Variants in PRKAA2 observed in about 807,000 individuals in gnomAD.
PRKAA2 encodes protein kinase AMP-activated catalytic subunit alpha 2.
A neutral mutation model predicts 56.3 loss-of-function variants in PRKAA2; 40 were observed. That is an observed-to-expected ratio of 0.71 (90% CI 0.55 to 0.92). PRKAA2 has a LOEUF of 0.92. Among genes scored for constraint, PRKAA2 ranks in the 40% least tolerant of loss-of-function variants. PRKAA2 has a pLI of 0.00. For missense variants in PRKAA2, 542 were observed against 686.9 expected, an observed-to-expected ratio of 0.79 and a Z score of 2.36; for synonymous variants, 214 against 234.2, an observed-to-expected ratio of 0.91 and a Z score of 0.79.
At chr1:56,671,589 A>T (rs756358768) in intron 1 of PRKAA2, 2 of 152,244 alleles carry the variant, frequency 1.3e-5, no homozygotes, top group Admixed American at 1.3e-4. Context: ...GCTTCATTAA[A>T]TTTTTTGACA....
intron 3 of PRKAA2, among the ~76,000 whole-genome samples, 169 bp downstream of exon 3, chr1:56,691,656 T>C (rs1203860364): frequency 6.6e-6 from 1 of 152,232 alleles, no homozygotes. Flanking sequence ...AGCATTCCTT[T>C]TGAAATACTG....
intron 1 of PRKAA2, among the ~76,000 whole-genome samples, chr1:56,668,319 A>T (rs1644050308): frequency 6.6e-6 from 1 of 151,228 alleles, no homozygotes; most frequent in South Asian, 2.1e-4. Flanking sequence ...ATGTTAGATG[A>T]CGAGTTAGTG....
intron 1 of PRKAA2, among the ~76,000 whole-genome samples, chr1:56,655,948 G>C (rs1413472699): frequency 6.6e-6 from 1 of 152,054 alleles, no homozygotes; most frequent in African/African-American, 2.4e-5. Flanking sequence ...TAAGAGACAG[G>C]GTGAAGATAA....
At chr1:56,657,825 A>G (rs1261108180) in intron 1 of PRKAA2, among the ~76,000 whole-genome samples, 1 of 152,202 alleles carries the variant, frequency 6.6e-6, no homozygotes, top group Non-Finnish European at 1.5e-5. Flanking sequence ...GAAGACATAT[A>G]ACAAAGGGAA....
chr1:56,658,326 G>A (rs1412727303), intron 1 of PRKAA2, among the ~76,000 whole-genome samples: 3 of 152,124 alleles, frequency 2.0e-5, no homozygotes, highest in African/African-American at 7.2e-5. Flanking sequence ...TTGAAGACAG[G>A]AAAATAAAGG....
In PRKAA2 at chr1:56,709,603, T is replaced by C. The variant is rs1451893315; in HGVS notation, c.*1890T>C. On this transcript the variant is annotated 3_prime_UTR_variant, in exon 9 of 9. Coordinates refer to ENST00000371244, the MANE Select transcript of PRKAA2 (RefSeq NM_006252.4). ...TCTCTAAATGGGTCCATACCTCTTTTGGGAAAAAACAGGGCCACCTCATAA... is the reference window on the plus strand; with the variant it reads ...TCTCTAAATGGGTCCATACCTCTTTCGGGAAAAAACAGGGCCACCTCATAA... 6.6e-6 allele frequency: 1 copy of C among 152,066 alleles called. No individual in the cohort carries two copies. The highest frequency in any genetic ancestry group is 6.6e-5 in the Admixed American group (1 of 15,262). The allele number at this position is 152,066 out of a possible 1,614,324, so 9.4% of individuals were successfully genotyped here.
chr1:56,671,520 T>C (rs1644076833), intron 1 of PRKAA2: 1 of 152,240 alleles, frequency 6.6e-6, no homozygotes. Context: ...CAAGTTATAT[T>C]GCTTGAACTT....
intron 2 of PRKAA2, among the ~76,000 whole-genome samples, chr1:56,676,930 G>A (rs1429996733): frequency 6.6e-6 from 1 of 152,104 alleles, no homozygotes; most frequent in East Asian, 1.9e-4. Context: ...ATCTTCACTT[G>A]AAGTTCACTT....
intron 3 of PRKAA2, among the ~76,000 whole-genome samples, 193 bp downstream of exon 3, chr1:56,691,680 T>C (rs1644229203): frequency 1.3e-5 from 2 of 152,248 alleles, no homozygotes; most frequent in Admixed American, 6.5e-5. Context: ...TTAGAAAATA[T>C]GTTTCACTTA....
In PRKAA2 at chr1:56,712,665, A is replaced by C. The variant is rs1390071909; in HGVS notation, c.*4952A>C. ...TCAGGAGTTCGAGACCAGTCTGGCC[A>C]ACATGGTGAAACCTCGTCTCTACTA... On this transcript the variant is annotated 3_prime_UTR_variant, in exon 9 of 9. Transcript: ENST00000371244. 1 of 152,172 alleles carries C rather than the reference A, an allele frequency of 6.6e-6. No homozygotes were observed. Among genetic ancestry groups the C allele is most frequent in the African/African-American group, 2.4e-5 (1 of 41,442 alleles). The allele number at this position is 152,172 out of a possible 1,614,324, so 9.4% of individuals were successfully genotyped here. A position where few individuals can be genotyped will look rare whatever the true frequency, so the allele number is the denominator to read the frequency against.
At chr1:56,673,039 C>T (rs12089982) in intron 1 of PRKAA2, among the ~76,000 whole-genome samples, 2,995 of 152,080 alleles carry the variant, frequency 0.02, 112 homozygotes, top group African/African-American at 0.068. Context: ...CCAAAGTTGA[C>T]GAGACTGGCT....
chr1:56,664,794 A>G (rs192972587), intron 1 of PRKAA2, among the ~76,000 whole-genome samples: 47 of 152,162 alleles, frequency 3.1e-4, no homozygotes, highest in Admixed American at 3.1e-3. Flanking sequence ...AAATTAAAAA[A>G]TATATAAAGT....
intron 6 of PRKAA2, among the ~76,000 whole-genome samples, chr1:56,697,937 T>C (rs929805720): frequency 3.3e-5 from 5 of 152,022 alleles, no homozygotes; most frequent in African/African-American, 1.2e-4. Flanking sequence ...CGTAGGTAGA[T>C]GGCATGAAAG....
intron 2 of PRKAA2, among the ~76,000 whole-genome samples, chr1:56,674,833 T>C (rs1644102379): frequency 6.6e-6 from 1 of 152,098 alleles, no homozygotes; most frequent in African/African-American, 2.4e-5. Context: ...AAGTTGATTC[T>C]TATCCAACTT....
intron 1 of PRKAA2, among the ~76,000 whole-genome samples, chr1:56,662,333 A>G (rs1284657113): frequency 2.0e-5 from 3 of 152,170 alleles, no homozygotes; most frequent in African/African-American, 7.2e-5. Flanking sequence ...TGAGAAAAAC[A>G]TATGACAGCA....
intron 7 of PRKAA2, among the ~76,000 whole-genome samples, chr1:56,704,783 T>C (rs969305836): frequency 6.6e-6 from 1 of 152,114 alleles, no homozygotes; most frequent in Non-Finnish European, 1.5e-5. Context: ...AAAGATAGTA[T>C]GTTTTTACTT....
At chr1:56,668,275 G>T (rs1569734624) in intron 1 of PRKAA2, among the ~76,000 whole-genome samples, 1 of 121,600 alleles carries the variant, frequency 8.2e-6, no homozygotes, top group East Asian at 2.6e-4. Context: ...GGGGTGGGGG[G>T]AGGGGGGAGG....
At chr1:56,647,368 G>T (rs1248999589) in intron 1 of PRKAA2, among the ~76,000 whole-genome samples, 1 of 152,134 alleles carries the variant, frequency 6.6e-6, no homozygotes, top group African/African-American at 2.4e-5. Context: ...TTCATATTGT[G>T]TTAAAAGTTT....
intron 1 of PRKAA2, among the ~76,000 whole-genome samples, chr1:56,657,812 A>G (rs1477272234): frequency 6.6e-6 from 1 of 152,234 alleles, no homozygotes; most frequent in Non-Finnish European, 1.5e-5. Flanking sequence ...CAATTTGTCA[A>G]CAGAAGACAT....
Sources: gnomAD v4.1 joint callset for allele counts (sites outside exome capture counted in the v4.1 genomes callset) on GRCh38, gnomAD v4.1.1 for gene constraint, MANE v1.5 for transcripts, NCBI Gene and HGNC (gene_info 2026-07-23, HGNC 2026-07-21) for gene names.